COL14A1: variants seen among roughly 807,000 people sequenced by gnomAD.
COL14A1 encodes collagen alpha-1(XIV) chain.
Under a neutral mutation model 230.3 loss-of-function variants are expected in COL14A1, and 136 were observed. The observed-to-expected ratio is 0.59, with a 90% CI of 0.51 to 0.68. The LOEUF (loss-of-function observed/expected upper bound fraction) is 0.68, where lower values mean the gene tolerates loss of function less well. Ranked by LOEUF, COL14A1 falls within the 30% of genes least tolerant of loss-of-function variation. COL14A1 has a pLI of 0.00. For missense variants in COL14A1, 1,976 were observed against 2,215.8 expected, an observed-to-expected ratio of 0.89 and a Z score of 2.17; for synonymous variants, 792 against 784.1, an observed-to-expected ratio of 1.01 and a Z score of -0.17.
intron 42 of COL14A1, among the ~76,000 whole-genome samples, chr8:120,337,401 T>TAAAAAAAAAAAAAAAGAAAAAAAA (rs1822117537): frequency 1.5e-5 from 2 of 129,460 alleles, no homozygotes; most frequent in Non-Finnish European, 1.6e-5. Context: ...GTCTCAAAAT[T>TAAAAAAAAAAAAAAAGAAAAAAAA]AAAAAAAAAA....
intron 19 of COL14A1, among the ~76,000 whole-genome samples, chr8:120,239,695 G>T (rs957889460): frequency 6.6e-5 from 10 of 151,478 alleles, no homozygotes; most frequent in Non-Finnish European, 1.3e-4. Flanking sequence ...ATTATGGTTA[G>T]GAATGGTAAT....
intron 44 of COL14A1, 81 bp from the exon 45 acceptor site, chr8:120,345,294 G>T: frequency 1.5e-6 from 2 of 1,293,036 alleles, no homozygotes; most frequent in Non-Finnish European, 1.1e-6. Flanking sequence ...ATTGTTTGCA[G>T]CCTTAACAAA....
intron 5 of COL14A1, 34 bp from the exon 6 acceptor site, chr8:120,196,757 T>A: frequency 1.2e-6 from 2 of 1,603,210 alleles, no homozygotes; most frequent in Non-Finnish European, 1.7e-6. Flanking sequence ...GCTCTGACAG[T>A]AACACATGCG....
intron 9 of COL14A1, among the ~76,000 whole-genome samples, chr8:120,205,830 T>C (rs1458463242): frequency 1.1e-4 from 17 of 152,152 alleles, no homozygotes; most frequent in Admixed American, 1.1e-3. Context: ...ATTTTAAAAA[T>C]TGAGATTATT....
chr8:120,247,712 G>A lies in COL14A1; in HGVS notation c.2579G>A (p.Arg860Lys). The A allele has an allele frequency of 6.2e-7, 1 of 1,614,096 alleles. No individual in the cohort carries two copies. Among genetic ancestry groups the A allele is most frequent in the Non-Finnish European group, 8.5e-7 (1 of 1,179,988 alleles). The change falls in exon 21 of 48, where the codon AGA becomes AAA. Residue 860 changes from arginine to lysine, a missense_variant. Around this residue, in one of 3 missense-constraint regions of COL14A1, gnomAD observed 1,791 missense variants for 2,019.5 expected, o/e 0.89. Transcript: ENST00000297848. ...CCATCTTCCCCGGTGAAAGGCTATAGAATTGTCTACAAACCTGTCAGTGGT... is the reference window on the plus strand; with the variant it reads ...CCATCTTCCCCGGTGAAAGGCTATAAAATTGTCTACAAACCTGTCAGTGGT... ...DPPSSPVKGY[R>K]IVYKPVSVPG...
intron 45 of COL14A1, among the ~76,000 whole-genome samples, chr8:120,357,323 A>T (rs1823022785): frequency 6.6e-6 from 1 of 152,136 alleles, no homozygotes; most frequent in Admixed American, 6.5e-5. Flanking sequence ...GATGATTGGC[A>T]GGAGGGCTCA....
chr8:120,210,039 C>A (rs887017853), intron 12 of COL14A1, 138 bp downstream of exon 12: 16 of 590,922 alleles, frequency 2.7e-5, no homozygotes, highest in Non-Finnish European at 3.7e-5. Flanking sequence ...TATAATCCCA[C>A]CACTGAGAGA....
Position 120,283,354 on chromosome 8 carries a change from A to C in COL14A1, c.3825-282A>C, listed in dbSNP as rs146389393. 7.2e-3 allele frequency among the ~76,000 whole-genome samples: 1,092 copies of C among 152,336 alleles called. 13 individuals are homozygous for C. Among genetic ancestry groups the C allele is most frequent in the African/African-American group, 0.024 (1,007 of 41,574 alleles). ...ATTAGGTAAGTGATAAAATAGCCAA[A>C]CAAGAGAAGACTGTACAGCCATGAA... On this transcript the variant is annotated intron_variant, in intron 31 of 47. Transcript: ENST00000297848.
At position 120,342,408 on chromosome 8, in the gene COL14A1, G is replaced by A. The variant is rs1822334500; in HGVS notation, c.4850G>A (p.Arg1617Lys). 3 of 1,613,934 alleles carry A rather than the reference G, an allele frequency of 1.9e-6. No homozygotes were observed. Among genetic ancestry groups the A allele is most frequent in the Non-Finnish European group, 2.5e-6 (3 of 1,179,920 alleles). Residue 1617 changes from arginine to lysine, a missense_variant, in exon 44 of 48, where the codon AGA becomes AAA. By Grantham distance (26) the Arg-to-Lys change is conservative. This residue lies in a region of COL14A1 where 1,791 missense variants were observed against 2,019.5 expected (regional missense o/e 0.89). Transcript: ENST00000297848. The part of the protein sequence containing the change: ...RGDLQSQAMV[R>K]SVARQVCEQL... ...GACCTGCAGTCTCAAGCCATGGTGA[G>A]ATCAGTGGCGCGTCAAGTATGCGAA...
chr8:120,369,247 G>C, intron 46 of COL14A1, 83 bp from the exon 47 acceptor site: 1 of 1,394,630 alleles, frequency 7.2e-7, no homozygotes, highest in Non-Finnish European at 9.4e-7. Flanking sequence ...CTTCTTCTAA[G>C]AGTTAGTTTA....
At position 120,143,790 on chromosome 8, in the gene COL14A1, G is replaced by A. The variant is rs117612836; in HGVS notation, c.-37-4016G>A. The stretch of plus-strand genomic sequence containing the variant: ...CCCTCTCATGGTGGGAATTTTATCC[G>A]GACATTCCATTATCAAAGATCTTGA... On this transcript the variant is annotated intron_variant, in intron 1 of 47. Transcript: ENST00000297848. Among the ~76,000 whole-genome samples the A allele has an allele frequency of 4.0e-4, 60 of 151,626 alleles. No homozygotes were observed. The East Asian group carries it at 6.0e-3, about 15-fold the overall frequency.
At chr8:120,217,363 T>C (rs1180257281) in intron 14 of COL14A1, among the ~76,000 whole-genome samples, 2 of 152,220 alleles carry the variant, frequency 1.3e-5, no homozygotes, top group East Asian at 1.9e-4. Flanking sequence ...AAAAAGTGTT[T>C]CCTTGGAAAT....
rs931356549 is a variant in COL14A1, at chr8:120,234,365, G to A, written c.2349+2747G>A. ...GAATACTATGTTGAATAGGAGTGGT[G>A]AGATAGGGCATCCTTGTCTTGTGCC... On this transcript the variant is annotated intron_variant, in intron 19 of 47. Transcript: ENST00000297848. Among the ~76,000 whole-genome samples the A allele has an allele frequency of 9.9e-5, 15 of 152,178 alleles. 1 individual carries two copies. Among genetic ancestry groups the A allele is most frequent in the Admixed American group, 7.9e-4 (12 of 15,284 alleles).
At chr8:120,339,932 G>A (rs1459610006) in intron 42 of COL14A1, among the ~76,000 whole-genome samples, 1 of 151,726 alleles carries the variant, frequency 6.6e-6, no homozygotes, top group African/African-American at 2.4e-5. Flanking sequence ...CAGCTACTCA[G>A]GAGGCTGAGG....
At position 120,280,878 on chromosome 8, in the gene COL14A1, A is replaced by G. The variant is rs761155918; in HGVS notation, c.3686-43A>G. ...AAAATTTAAAATTCTAAAGTGCCAT[A>G]TTCCTTATGTTTATTCTTTTTCTAC... is the stretch of plus-strand genomic sequence containing the variant. On this transcript the variant is annotated intron_variant, in intron 30 of 47. Transcript: ENST00000297848. 3 of 1,492,360 alleles carry G rather than the reference A, an allele frequency of 2.0e-6. No homozygotes were observed. The African/African-American group carries it at 4.4e-5, about 22-fold the overall frequency. The allele number at this position is 1,492,360 out of a possible 1,614,324, so 92.4% of individuals were successfully genotyped here. A position where few individuals can be genotyped will look rare whatever the true frequency, so the allele number is the denominator to read the frequency against.
At chr8:120,260,011 T>C (rs368086654) in intron 23 of COL14A1, among the ~76,000 whole-genome samples, 33 of 152,260 alleles carry the variant, frequency 2.2e-4, no homozygotes, top group African/African-American at 7.7e-4. Context: ...TAATATATAA[T>C]CTCACAAACA....
In COL14A1 at chr8:120,270,240, G is replaced by A; in HGVS notation, c.3213+66G>A. 3 of 1,472,482 alleles carry A rather than the reference G, an allele frequency of 2.0e-6. No homozygotes were observed. The South Asian group carries it at 3.9e-5, about 19-fold the overall frequency. 91.2% of individuals were successfully genotyped at this position (1,472,482 alleles called of 1,614,324 possible). ...AATTATTTCTCCAGCTCTTATTACA[G>A]CTACTTGTCAGGGACTATAGGTCAA... On this transcript the variant is annotated intron_variant, in intron 26 of 47. Coordinates refer to ENST00000297848, the MANE Select transcript of COL14A1 (RefSeq NM_021110.4).
At chr8:120,358,197 A>G (rs922646138) in intron 45 of COL14A1, among the ~76,000 whole-genome samples, 4 of 152,220 alleles carry the variant, frequency 2.6e-5, no homozygotes, top group Non-Finnish European at 5.9e-5. Flanking sequence ...CAGATATTTG[A>G]TAAATCAATG....
At chr8:120,244,983 A>G (rs979198247) in intron 20 of COL14A1, among the ~76,000 whole-genome samples, 4 of 151,950 alleles carry the variant, frequency 2.6e-5, no homozygotes, top group African/African-American at 4.8e-5. Flanking sequence ...CCTCCTGGCC[A>G]TTTCCCCATT....
Sources: allele counts gnomAD v4.1 joint callset (sites outside exome capture counted in the v4.1 genomes callset), GRCh38; gene constraint gnomAD v4.1.1; regional missense constraint gnomAD v4.1.1; transcripts MANE v1.5; gene names NCBI Gene and HGNC (gene_info 2026-07-23, HGNC 2026-07-21).